The following PUDP variants were observed in gnomAD, a reference collection of about 807,000 sequenced individuals.
PUDP encodes the protein pseudouridine-5'-phosphatase.
Under a neutral mutation model 9.4 loss-of-function variants are expected in PUDP, and 8 were observed. The ratio of observed to expected loss-of-function variants is 0.85; its 90% CI spans 0.50 to 1.53. The LOEUF is 1.53. PUDP is among the 40% of genes most tolerant of loss of function. The pLI, the probability that PUDP is intolerant of heterozygous loss-of-function variation, is 0.00. For missense variants in PUDP, 188 were observed against 189.7 expected, an observed-to-expected ratio of 0.99 and a Z score of 0.05; for synonymous variants, 99 against 80.7, an observed-to-expected ratio of 1.23 and a Z score of -1.22.
intron 3 of PUDP, among the ~76,000 whole-genome samples, chrX:6,888,837 C>A (rs1927470266): frequency 9.0e-6 from 1 of 111,068 alleles, no homozygotes; most frequent in African/African-American, 3.3e-5. Context: ...CAGAAAGGTC[C>A]TTCCAGAAAC....
chrX:7,060,791 C>A (rs992021323), intron 3 of PUDP, among the ~76,000 whole-genome samples: 1 of 112,533 alleles, frequency 8.9e-6, no homozygotes, highest in African/African-American at 3.2e-5. Flanking sequence ...AAATGCCTAT[C>A]CTCTTGCAGG....
At chrX:7,124,362 A>C (rs1182519467) in intron 1 of PUDP, among the ~76,000 whole-genome samples, 1 of 111,834 alleles carries the variant, frequency 8.9e-6, no homozygotes, top group Non-Finnish European at 1.9e-5. Context: ...AACATACCAA[A>C]ACTTATGGGA....
chrX:7,133,606 C>A (rs1932674370), intron 1 of PUDP, among the ~76,000 whole-genome samples: 1 of 111,460 alleles, frequency 9.0e-6, no homozygotes, highest in Non-Finnish European at 1.9e-5. Flanking sequence ...CAGCTCATAG[C>A]GAGGGAAGGA....
chrX:6,871,825 A>C (rs915612433), intron 3 of PUDP, among the ~76,000 whole-genome samples: 3 of 111,609 alleles, frequency 2.7e-5, no homozygotes, highest in Admixed American at 9.5e-5. Context: ...TGTTAAAATC[A>C]CTCTCCAGGC....
intron 3 of PUDP, among the ~76,000 whole-genome samples, chrX:6,966,133 A>G (rs1388590550): frequency 9.0e-6 from 1 of 111,285 alleles, no homozygotes; most frequent in Non-Finnish European, 1.9e-5. Flanking sequence ...CAGGAAATGC[A>G]TCATTGTCCT....
At position 7,057,095 on chromosome X, in the gene PUDP, C is replaced by T. The variant is rs771395790; in HGVS notation, c.511-6623G>A. 8.9e-5 allele frequency among the ~76,000 whole-genome samples: 10 copies of T among 112,540 alleles called. No individual in the cohort carries two copies. In the South Asian group the frequency reaches 3.3e-3, roughly 37 times the overall value. On this transcript the variant is annotated intron_variant, in intron 3 of 3. Transcript: ENST00000381077. ...ACTGACTTCTCCAACGATGTTGAAG[C>T]GCAGCAGCGACCTGGGGATGGTCTC... is the stretch of plus-strand genomic sequence containing the variant.
intron 1 of PUDP, among the ~76,000 whole-genome samples, chrX:6,990,817 C>G (rs759815045): frequency 8.9e-6 from 1 of 112,543 alleles, no homozygotes; most frequent in Non-Finnish European, 1.9e-5. Context: ...GGAGAGCCAG[C>G]AGGTTGGAGA....
chrX:7,116,996 A>G (rs1426175658), intron 1 of PUDP: 3 of 1,164,645 alleles, frequency 2.6e-6, no homozygotes, highest in Non-Finnish European at 3.4e-6. Context: ...CCTCTTGAGG[A>G]CTCCCCCGAA....
intron 3 of PUDP, among the ~76,000 whole-genome samples, chrX:6,780,262 C>A (rs1315666658): frequency 9.1e-6 from 1 of 109,486 alleles, no homozygotes; most frequent in African/African-American, 3.3e-5. Flanking sequence ...TATACACACA[C>A]AAAAGACTGT....
At chrX:6,732,570 A>G (rs746478115) in intron 3 of PUDP, among the ~76,000 whole-genome samples, 1 of 86,671 alleles carries the variant, frequency 1.2e-5, no homozygotes, top group Non-Finnish European at 2.2e-5. Context: ...GGAGGTAGGG[A>G]GGGAGAGAGG....
At chrX:7,013,136 G>A (rs1671404829) in intron 1 of PUDP, among the ~76,000 whole-genome samples, 1 of 111,916 alleles carries the variant, frequency 8.9e-6, no homozygotes, top group Non-Finnish European at 1.9e-5. Flanking sequence ...ATGTGTCTAG[G>A]CACAGGAAGT....
chrX:7,000,875 T>A (rs1288092020), intron 1 of PUDP, among the ~76,000 whole-genome samples: 1 of 108,018 alleles, frequency 9.3e-6, no homozygotes, highest in Non-Finnish European at 1.9e-5. Flanking sequence ...CTATTTAACA[T>A]TGTTAGTGAG....
chrX:7,079,299 A>T (rs777606890), intron 2 of PUDP, among the ~76,000 whole-genome samples: 1 of 112,908 alleles, frequency 8.9e-6, no homozygotes, highest in South Asian at 3.6e-4. Flanking sequence ...ATGTGTAAAC[A>T]TCAAATAGCA....
chrX:6,709,815 A>G (rs55796705), intron 1 of PUDP, among the ~76,000 whole-genome samples: 1 of 112,104 alleles, frequency 8.9e-6, no homozygotes, highest in Non-Finnish European at 1.9e-5. Context: ...AACCAGAGAA[A>G]CTGGACGTTT....
At chrX:6,962,999 T>C (rs927455024) in intron 3 of PUDP, among the ~76,000 whole-genome samples, 3 of 112,879 alleles carry the variant, frequency 2.7e-5, no homozygotes, top group Admixed American at 9.4e-5. Flanking sequence ...ACAGGCTAAG[T>C]TGCAGCATCA....
chrX:7,050,268 T>TG lies in PUDP; in HGVS notation c.*27dup, dbSNP rs1451912729. On this transcript the variant is annotated 3_prime_UTR_variant, in exon 4 of 4. Transcript: ENST00000381077. ...AGCAGTGTGGACCATGAGAGTGGGC[T>TG]GGGGGCGGAAGACTGAGGCCCTCCC... 5.0e-6 allele frequency: 6 copies of TG among 1,197,181 alleles called. No individual in the cohort carries two copies. The highest frequency in any genetic ancestry group is 3.6e-5 in the South Asian group (2 of 55,597).
At chrX:7,076,428 G>A (rs1260456250) in intron 3 of PUDP, among the ~76,000 whole-genome samples, 1 of 111,832 alleles carries the variant, frequency 8.9e-6, no homozygotes, top group Admixed American at 9.5e-5. Flanking sequence ...CCCTTTCAAG[G>A]GTGACTTCCT....
chrX:7,021,280 G>A (rs1308970826), intron 1 of PUDP, among the ~76,000 whole-genome samples: 1 of 112,146 alleles, frequency 8.9e-6, no homozygotes, highest in East Asian at 2.8e-4. Context: ...TGATAGGGAA[G>A]AAAAATCATC....
chrX:7,086,065 G>C (rs1931254364), intron 2 of PUDP, among the ~76,000 whole-genome samples: 1 of 111,437 alleles, frequency 9.0e-6, no homozygotes, highest in Non-Finnish European at 1.9e-5. Context: ...CCTGCTTTCT[G>C]CAATTTTCAC....
Sources: allele counts gnomAD v4.1 joint callset (sites outside exome capture counted in the v4.1 genomes callset), GRCh38; gene constraint gnomAD v4.1.1; transcripts MANE v1.5; gene names NCBI Gene and HGNC (gene_info 2026-07-23, HGNC 2026-07-21).